The following PSMD12 variants were observed in gnomAD, a reference collection of about 807,000 sequenced individuals.
PSMD12 encodes 26S proteasome non-ATPase regulatory subunit 12.
A neutral mutation model predicts 62.9 loss-of-function variants in PSMD12; 8 were observed. The observed-to-expected ratio is 0.13, with a 90% CI of 0.07 to 0.23. The LOEUF is 0.23. Among genes scored for constraint, PSMD12 ranks in the 10% least tolerant of loss-of-function variants. PSMD12 has a pLI of 1.00. For synonymous variants in PSMD12, 173 were observed against 187.4 expected, an observed-to-expected ratio of 0.92 and a Z score of 0.63; for missense variants, 424 against 550.2, an observed-to-expected ratio of 0.77 and a Z score of 2.29.
chr17:67,346,794 A>AAT (rs925378770), intron 7 of PSMD12, among the ~76,000 whole-genome samples: 2 of 152,184 alleles, frequency 1.3e-5, no homozygotes, highest in South Asian at 2.1e-4. Flanking sequence ...ATAAATGTGG[A>AAT]ATATATATAT....
chr17:67,351,975 T>TA (rs968873105), intron 3 of PSMD12, among the ~76,000 whole-genome samples: 3 of 150,856 alleles, frequency 2.0e-5, no homozygotes, highest in African/African-American at 7.3e-5. Flanking sequence ...TGCATGCCTG[T>TA]AGTCCCAGCT....
chr17:67,360,532 T>G (rs1359634612), intron 1 of PSMD12, among the ~76,000 whole-genome samples: 3 of 152,236 alleles, frequency 2.0e-5, no homozygotes, highest in African/African-American at 7.2e-5. Flanking sequence ...CTCAGTAGAA[T>G]GCGAACTCTG....
At chr17:67,346,383 ACT>A (rs2041966808) in intron 7 of PSMD12, among the ~76,000 whole-genome samples, 4 of 139,976 alleles carry the variant, frequency 2.9e-5, no homozygotes, top group Non-Finnish European at 4.6e-5. Flanking sequence ...CAAGAGTGAG[ACT>A]CTGTCTCAAA....
intron 10 of PSMD12, among the ~76,000 whole-genome samples, chr17:67,341,469 C>CAAAAAAA (rs71368819): frequency 2.9e-4 from 15 of 51,136 alleles, no homozygotes; most frequent in African/African-American, 7.4e-4. Context: ...GACTCTGCCT[C>CAAAAAAA]AAAAAAAAAA....
intron 3 of PSMD12, chr17:67,355,227 G>C (rs2042057212): frequency 6.6e-6 from 1 of 151,684 alleles, no homozygotes; most frequent in Admixed American, 6.6e-5. Flanking sequence ...AAGTAGCTGG[G>C]ATTACAGGCG....
In PSMD12 at chr17:67,344,631, T is replaced by G. The variant is rs1034950352; in HGVS notation, c.1058A>C (p.Asp353Ala). ...STEEGEKRWK[D>A]LKNRVVEHNI... ...ATGTTCAACAACTCTGTTCTTCAAG[T>G]CTTTCCACCTTTTTTCACCTTCCTC... is the stretch of plus-strand genomic sequence containing the variant. The change falls in exon 9 of 11, where the codon GAC becomes GCC. Residue 353 changes from aspartate (D) to alanine (A), a missense_variant. Physicochemically the swap from Asp to Ala is moderately radical, Grantham distance 126 (BLOSUM62 -2). Coordinates refer to ENST00000356126, the MANE Select transcript of PSMD12 (RefSeq NM_002816.5). The G allele has an allele frequency of 7.4e-6, 12 of 1,611,396 alleles. 1 individual carries two copies. In the African/African-American group the frequency reaches 1.3e-4, roughly 18 times the overall value.
chr17:67,364,925 T>G (rs894509819), intron 1 of PSMD12, among the ~76,000 whole-genome samples: 3 of 152,174 alleles, frequency 2.0e-5, no homozygotes, highest in Non-Finnish European at 4.4e-5. Context: ...GGCTCACGCC[T>G]GTAATCCCAG....
intron 9 of PSMD12, among the ~76,000 whole-genome samples, chr17:67,343,404 C>G (rs1034615863): frequency 2.6e-5 from 4 of 152,140 alleles, no homozygotes; most frequent in Non-Finnish European, 1.5e-5. Context: ...TCTCACCTTA[C>G]TAGTCTTCTC....
Position 67,347,132 on chromosome 17 carries a change from C to T in PSMD12, c.779G>A (p.Ser260Asn), listed in dbSNP as rs1272138650. Residue 260 changes from serine (S) to asparagine (N), a missense_variant, in exon 7 of 11, where the codon AGT becomes AAT. Coordinates refer to ENST00000356126, the MANE Select transcript of PSMD12 (RefSeq NM_002816.5). ...IYDTPCIQAE[S>N]EKWQQALKSV... is the part of the protein sequence containing the mutation. ...TATTCTTACCTGCTGCCATTTTTCA[C>T]TTTCTGCCTGTATACAGGGAGTATC... The T allele has an allele frequency of 6.3e-7, 1 of 1,599,518 alleles. No individual in the cohort carries two copies. The highest frequency in any genetic ancestry group is 2.2e-5 in the East Asian group (1 of 44,616).
At chr17:67,342,861 G>A (rs2041928034) in intron 9 of PSMD12, among the ~76,000 whole-genome samples, 1 of 150,360 alleles carries the variant, frequency 6.7e-6, no homozygotes, top group Admixed American at 6.6e-5. Context: ...CTTTGAACCC[G>A]AGAATTCAAG....
intron 1 of PSMD12, among the ~76,000 whole-genome samples, chr17:67,360,303 T>C (rs1286401484): frequency 6.6e-6 from 1 of 152,246 alleles, no homozygotes; most frequent in Non-Finnish European, 1.5e-5. Context: ...GGTATTAAAT[T>C]GCATCATACA....
At chr17:67,348,905 AG>A (rs780561303) in intron 4 of PSMD12, among the ~76,000 whole-genome samples, 6 of 152,184 alleles carry the variant, frequency 3.9e-5, no homozygotes, top group South Asian at 2.1e-4. Flanking sequence ...GTGCCACAGG[AG>A]GATCACTTGA....
rs1464564960 is a variant in PSMD12, at chr17:67,339,113, T to G, written c.*1730A>C. On this transcript the variant is annotated 3_prime_UTR_variant, in exon 11 of 11. Coordinates refer to ENST00000356126, the MANE Select transcript of PSMD12 (RefSeq NM_002816.5). ...TCTGTTTCTGAACTTTCCAGTTTTG[T>G]TTTTTTTTTTTTGAGACGGAGTCTC... 1 of 137,294 alleles carries G rather than the reference T, an allele frequency of 7.3e-6. No homozygotes were observed. The highest frequency in any genetic ancestry group is 1.5e-5 in the Non-Finnish European group (1 of 64,858). The allele number at this position is 137,294 out of a possible 1,614,324, so 8.5% of individuals were successfully genotyped here.
chr17:67,362,685 CCAAAAAAAAAA>C (rs1227976236), intron 1 of PSMD12: 4 of 139,910 alleles, frequency 2.9e-5, no homozygotes. Flanking sequence ...CAAAAAAAAC[CCAAAAAAAAAA>C]CAAAAAAACA....
chr17:67,345,631 A>G (rs537267326), intron 8 of PSMD12, 114 bp downstream of exon 8: 7 of 836,980 alleles, frequency 8.4e-6, no homozygotes, highest in African/African-American at 6.8e-5. Flanking sequence ...AACAATAGTA[A>G]AACTCCATCT....
intron 10 of PSMD12, 149 bp from the exon 11 acceptor site, chr17:67,341,201 G>A (rs2041911666): frequency 3.2e-6 from 2 of 625,054 alleles, no homozygotes; most frequent in East Asian, 6.7e-5. Context: ...GGGTGTGGTG[G>A]CTCACACCTG....
intron 1 of PSMD12, 132 bp downstream of exon 1, chr17:67,366,280 G>T: frequency 1.2e-6 from 1 of 858,906 alleles, no homozygotes; most frequent in Non-Finnish European, 1.8e-6. Context: ...TCCCACTCGT[G>T]CAGGCCCAAC....
Position 67,366,417 on chromosome 17 carries a change from C to G in PSMD12, c.103G>C (p.Ala35Pro). The G allele has an allele frequency of 6.2e-7, 1 of 1,610,820 alleles. No homozygotes were observed. The highest frequency in any genetic ancestry group is 8.5e-7 in the Non-Finnish European group (1 of 1,178,102). The stretch of plus-strand genomic sequence containing the variant: ...GCCAGCCGGCCTCTCCTCACCTTGG[C>G]TAGCTTCGCACACTCGGGTAGGCGC... Reference protein sequence around the residue: ...DQRLPECAKLAKEGRLQEVIE... With the variant: ...DQRLPECAKLPKEGRLQEVIE... Residue 35 changes from alanine (A) to proline (P), a missense_variant, in exon 1 of 11, where the codon GCC (alanine) becomes CCC (proline). By Grantham distance (27) the Ala-to-Pro change is conservative. Coordinates refer to ENST00000356126, the MANE Select transcript of PSMD12 (RefSeq NM_002816.5).
chr17:67,344,918 T>G, intron 8 of PSMD12, 138 bp from the exon 9 acceptor site: 1 of 717,992 alleles, frequency 1.4e-6, no homozygotes, highest in East Asian at 2.8e-5. Flanking sequence ...ATATGATTAT[T>G]GTGTATTTTA....
Sources: gnomAD v4.1 joint callset for allele counts (sites outside exome capture counted in the v4.1 genomes callset) on GRCh38, gnomAD v4.1.1 for gene constraint, MANE v1.5 for transcripts, NCBI Gene and HGNC (gene_info 2026-07-23, HGNC 2026-07-21) for gene names.